The following RPRD2 variants were observed in gnomAD, a reference collection of about 807,000 sequenced individuals.
RPRD2 encodes regulation of nuclear pre-mRNA domain containing 2.
RPRD2 carries 12 observed loss-of-function variants against 104.4 expected under a neutral mutation model. The ratio of observed to expected loss-of-function variants is 0.11; its 90% CI spans 0.07 to 0.19. The LOEUF (loss-of-function observed/expected upper bound fraction) is 0.19, where lower values mean the gene tolerates loss of function less well. Ranked by LOEUF, RPRD2 falls within the 10% of genes least tolerant of loss-of-function variation. The pLI is 1.00. For missense variants in RPRD2, 1,543 were observed against 1,790.1 expected, an observed-to-expected ratio of 0.86 and a Z score of 2.49; for synonymous variants, 714 against 684.9, an observed-to-expected ratio of 1.04 and a Z score of -0.66.
chr1:150,400,487 T>C (rs116380647), intron 1 of RPRD2, among the ~76,000 whole-genome samples: 41 of 152,314 alleles, frequency 2.7e-4, no homozygotes, highest in Non-Finnish European at 5.3e-4. Flanking sequence ...GTTGTTCTTA[T>C]AGGGAGTGCA....
intron 1 of RPRD2, among the ~76,000 whole-genome samples, chr1:150,395,365 TTGTGTG>T (rs10524632): frequency 7.8e-4 from 112 of 144,172 alleles, no homozygotes; most frequent in East Asian, 4.6e-3. Context: ...TAGTATTCCA[TTGTGTG>T]TGTGTGTGTG....
At chr1:150,399,885 T>A (rs945158309) in intron 1 of RPRD2, among the ~76,000 whole-genome samples, 1 of 152,220 alleles carries the variant, frequency 6.6e-6, no homozygotes. Flanking sequence ...GTGGGTCTTT[T>A]GTTTTTCCTT....
intron 6 of RPRD2, among the ~76,000 whole-genome samples, chr1:150,445,413 A>G (rs1380454076): frequency 6.6e-6 from 1 of 152,196 alleles, no homozygotes; most frequent in Non-Finnish European, 1.5e-5. Flanking sequence ...CTGAATTATC[A>G]CGAATCTTTT....
chr1:150,476,221 G>A lies in RPRD2; in HGVS notation c.*2887G>A, dbSNP rs1668883978. The A allele has an allele frequency of 6.6e-6, 1 of 152,176 alleles. No individual in the cohort carries two copies. The highest frequency in any genetic ancestry group is 2.4e-5 in the African/African-American group (1 of 41,434). The allele number at this position is 152,176 out of a possible 1,614,324, so 9.4% of individuals were successfully genotyped here. ...TACTTTCCAATACCAGGAATAAAAT[G>A]TTTGTGATATATATGGGTCCAGCAA... On this transcript the variant is annotated 3_prime_UTR_variant, in exon 11 of 11. Coordinates refer to ENST00000369068, the MANE Select transcript of RPRD2 (RefSeq NM_015203.5).
chr1:150,372,069 A>G (rs1553878510), intron 1 of RPRD2, among the ~76,000 whole-genome samples: 1 of 152,230 alleles, frequency 6.6e-6, no homozygotes, highest in African/African-American at 2.4e-5. Context: ...TGTAAGGTTC[A>G]TTTAGATTGA....
In RPRD2 at chr1:150,472,701, C is replaced by A; in HGVS notation, c.3753C>A (p.Ala1251=). 1 of 1,613,722 alleles carries A rather than the reference C, an allele frequency of 6.2e-7. No individual in the cohort carries two copies. The change falls in exon 11 of 11, where the codon GCC becomes GCA. Residue 1251 remains alanine, a synonymous_variant. Transcript: ENST00000369068. ...CCTTCACAAAGGAGGCAGCCCTGGC[C>A]CATGCTGCCCCACCCCCTCCTCCTG... The part of the protein sequence containing the change: ...SNPFTKEAAL[A]HAAPPPPPGE...
Position 150,476,318 on chromosome 1 carries a change from G to C in RPRD2, c.*2984G>C, listed in dbSNP as rs944963765. On this transcript the variant is annotated 3_prime_UTR_variant, in exon 11 of 11. Coordinates refer to ENST00000369068, the MANE Select transcript of RPRD2 (RefSeq NM_015203.5). ...ATTCACTCTCAATCCTGAAGTTACCGGTTCCTGCAGAATTGAGCTTCAGCT... is the reference window on the plus strand; with the variant it reads ...ATTCACTCTCAATCCTGAAGTTACCCGTTCCTGCAGAATTGAGCTTCAGCT... 1 of 152,152 alleles carries C rather than the reference G, an allele frequency of 6.6e-6. No individual in the cohort carries two copies. Among genetic ancestry groups the C allele is most frequent in the Non-Finnish European group, 1.5e-5 (1 of 68,026 alleles). 9.4% of individuals were successfully genotyped at this position (152,152 alleles called of 1,614,324 possible). A position where few individuals can be genotyped will look rare whatever the true frequency, so the allele number is the denominator to read the frequency against.
chr1:150,446,441 T>A (rs1666776639), intron 7 of RPRD2, 40 bp downstream of exon 7: 2 of 1,462,248 alleles, frequency 1.4e-6, no homozygotes, highest in Non-Finnish European at 1.9e-6. Flanking sequence ...GAATGCTTGT[T>A]ACTATATTTC....
At chr1:150,400,201 A>G (rs1286448096) in intron 1 of RPRD2, among the ~76,000 whole-genome samples, 1 of 152,204 alleles carries the variant, frequency 6.6e-6, no homozygotes, top group Non-Finnish European at 1.5e-5. Flanking sequence ...GTGTAAGAAT[A>G]TAGTTGACTT....
At chr1:150,416,774 A>C (rs1321680355) in intron 1 of RPRD2, among the ~76,000 whole-genome samples, 1 of 150,574 alleles carries the variant, frequency 6.6e-6, no homozygotes, top group African/African-American at 2.4e-5. Context: ...TGGGAGGCTG[A>C]GACAGGAGAA....
intron 1 of RPRD2, among the ~76,000 whole-genome samples, chr1:150,399,425 C>T (rs1473483154): frequency 6.6e-6 from 1 of 152,138 alleles, no homozygotes; most frequent in African/African-American, 2.4e-5. Context: ...CCAGTCCTTT[C>T]ATCATTAAAT....
At chr1:150,421,630 C>G (rs782218443) in intron 2 of RPRD2, among the ~76,000 whole-genome samples, 1 of 151,970 alleles carries the variant, frequency 6.6e-6, no homozygotes, top group Non-Finnish European at 1.5e-5. Flanking sequence ...TATACTCTTG[C>G]TTATAAATAA....
At position 150,417,265 on chromosome 1, in the gene RPRD2, A is replaced by G. The variant is rs1664416615; in HGVS notation, c.206-331A>G. Among the ~76,000 whole-genome samples, 3 of 151,996 alleles carry G rather than the reference A, an allele frequency of 2.0e-5. 1 individual carries two copies. In the South Asian group the frequency reaches 6.2e-4, roughly 31 times the overall value. ...TGGGTCTTTTTTTTTAGTGCCAAAC[A>G]TCTACAAAGTGAGGGAGAAATGTCC... On this transcript the variant is annotated intron_variant, in intron 1 of 10. Coordinates refer to ENST00000369068, the MANE Select transcript of RPRD2 (RefSeq NM_015203.5).
intron 7 of RPRD2, among the ~76,000 whole-genome samples, chr1:150,447,808 A>C (rs1297107136): frequency 1.3e-5 from 2 of 152,218 alleles, no homozygotes; most frequent in African/African-American, 4.8e-5. Flanking sequence ...ACTTCGTAGA[A>C]GCAATCCCTT....
chr1:150,375,295 A>G (rs984384168), intron 1 of RPRD2, among the ~76,000 whole-genome samples: 1 of 152,216 alleles, frequency 6.6e-6, no homozygotes. Flanking sequence ...CAAATTCCAT[A>G]GTAAGCTAAA....
Position 150,417,753 on chromosome 1 carries a change from A to C in RPRD2, c.335+28A>C, listed in dbSNP as rs782121932. The C allele has an allele frequency of 2.6e-6, 4 of 1,517,130 alleles. No homozygotes were observed. In the African/African-American group the frequency reaches 5.5e-5, roughly 21 times the overall value. 94.0% of individuals were successfully genotyped at this position (1,517,130 alleles called of 1,614,324 possible). The stretch of plus-strand genomic sequence containing the variant: ...AAGTAAATCTTTATTGCTCTATGGG[A>C]TCTAAACTTAGACAACTTAGAATTT... On this transcript the variant is annotated intron_variant, in intron 2 of 10. Transcript: ENST00000369068.
Position 150,470,798 on chromosome 1 carries a change from T to C in RPRD2, c.1850T>C (p.Leu617Pro), listed in dbSNP as rs1217459139. 1.2e-6 allele frequency: 2 copies of C among 1,614,016 alleles called. No individual in the cohort carries two copies. Among genetic ancestry groups the C allele is most frequent in the East Asian group, 2.2e-5 (1 of 44,892 alleles). ...SKASIGQSPG[L>P]PSTTFKLPSN... is the part of the protein sequence containing the mutation. The stretch of plus-strand genomic sequence containing the variant: ...GCCTCAATTGGGCAAAGCCCAGGGC[T>C]CCCAAGCACTACTTTTAAACTACCT... The change falls in exon 11 of 11, where the codon CTC becomes CCC. Residue 617 changes from leucine (L) to proline (P), a missense_variant. Around this residue, in one of 4 missense-constraint regions of RPRD2, gnomAD observed 572 missense variants for 787.3 expected, o/e 0.73. Transcript: ENST00000369068.
intron 1 of RPRD2, among the ~76,000 whole-genome samples, chr1:150,398,358 G>A (rs1409338793): frequency 6.6e-6 from 1 of 151,722 alleles, no homozygotes; most frequent in Non-Finnish European, 1.5e-5. Context: ...CACCACGCCT[G>A]GCTAATTTTT....
intron 6 of RPRD2, among the ~76,000 whole-genome samples, chr1:150,444,922 A>G (rs587684529): frequency 6.6e-6 from 1 of 152,338 alleles, no homozygotes; most frequent in African/African-American, 2.4e-5. Flanking sequence ...GACCAGACAC[A>G]GTGCCTGTAA....
Sources: gnomAD v4.1 joint callset for allele counts (sites outside exome capture counted in the v4.1 genomes callset) on GRCh38, gnomAD v4.1.1 for gene constraint, gnomAD v4.1.1 regional missense constraint, MANE v1.5 for transcripts, NCBI Gene and HGNC (gene_info 2026-07-23, HGNC 2026-07-21) for gene names.